Variants in EYS observed in about 807,000 individuals in gnomAD.
EYS encodes EGF-like photoreceptor maintenance factor, also known as protein eyes shut homolog.
A neutral mutation model predicts 282.1 loss-of-function variants in EYS; 250 were observed. That is an observed-to-expected ratio of 0.89 (90% confidence interval 0.80 to 0.98). The LOEUF is 0.98. Ranked by LOEUF, EYS falls within the 50% of genes least tolerant of loss-of-function variation. EYS has a pLI of 0.00. For missense variants in EYS, 4,016 were observed against 3,709.0 expected, an observed-to-expected ratio of 1.08 and a Z score of -2.15; for synonymous variants, 1,355 against 1,282.9, an observed-to-expected ratio of 1.06 and a Z score of -1.20.
chr6:64,749,514 G>A lies in EYS; in HGVS notation c.3443+63864C>T, dbSNP rs377490113. Among the ~76,000 whole-genome samples the A allele has an allele frequency of 5.8e-4, 89 of 152,282 alleles. No individual in the cohort carries two copies. The South Asian group carries it at 0.017, about 28-fold the overall frequency. ...TTTATCACATGTCAAATACTGCAAA[G>A]TATAGGTCACATACTTGGGTTCTTA... On this transcript the variant is annotated intron_variant, in intron 22 of 42. Transcript: ENST00000503581.
rs947235360 is a variant in EYS at position 64,902,238 on chromosome 6, T to G, written c.2739-18A>C. On this transcript the variant is annotated intron_variant, in intron 17 of 42. Transcript: ENST00000503581. ...AAATACACCTTTTAAACAAAAAATTTAGTAACTCCATTAGTATATATGTAT... is the reference window on the plus strand; with the variant it reads ...AAATACACCTTTTAAACAAAAAATTGAGTAACTCCATTAGTATATATGTAT... The G allele has an allele frequency of 2.0e-6, 3 of 1,500,688 alleles. No individual in the cohort carries two copies. In the African/African-American group the frequency reaches 4.2e-5, roughly 21 times the overall value. 93.0% of individuals were successfully genotyped at this position (1,500,688 alleles called of 1,614,324 possible).
At chr6:64,805,302 A>C (rs1583176307) in intron 22 of EYS, among the ~76,000 whole-genome samples, 2 of 152,098 alleles carry the variant, frequency 1.3e-5, no homozygotes, top group African/African-American at 4.8e-5. Flanking sequence ...TTGAGCAAAC[A>C]CTATTTGTGT....
At chr6:65,483,980 C>T (rs1227640220) in intron 5 of EYS, among the ~76,000 whole-genome samples, 1 of 151,980 alleles carries the variant, frequency 6.6e-6, no homozygotes, top group African/African-American at 2.4e-5. Flanking sequence ...TACTTCCTAC[C>T]GGCTCCCTCC....
At chr6:63,908,330 C>A (rs1481136789) in intron 35 of EYS, among the ~76,000 whole-genome samples, 1 of 151,834 alleles carries the variant, frequency 6.6e-6, no homozygotes, top group Admixed American at 6.6e-5. Flanking sequence ...GATGAGGATG[C>A]AGAGAAAAGG....
intron 35 of EYS, among the ~76,000 whole-genome samples, chr6:63,876,324 G>A (rs143271531): frequency 0.011 from 1,639 of 152,312 alleles, 24 homozygotes; most frequent in African/African-American, 0.038. Context: ...TGATTGCACT[G>A]TGGTCTGAGA....
At chr6:65,076,683 T>TAC (rs36094243) in intron 12 of EYS, among the ~76,000 whole-genome samples, 3,249 of 149,482 alleles carry the variant, frequency 0.022, 77 homozygotes, top group African/African-American at 0.053. Flanking sequence ...CATAAATATA[T>TAC]ACACACACAC....
chr6:64,664,289 T>C lies in EYS; in HGVS notation c.3444-38044A>G, dbSNP rs190538200. 2.6e-5 allele frequency among the ~76,000 whole-genome samples: 4 copies of C among 152,346 alleles called. No individual in the cohort carries two copies. In the East Asian group the frequency reaches 7.7e-4, roughly 29 times the overall value. On this transcript the variant is annotated intron_variant, in intron 22 of 42. Coordinates refer to ENST00000503581, the MANE Select transcript of EYS (RefSeq NM_001142800.2). Reference sequence around the variant, plus strand: ...CCCTGTGCTCTCAGATGATAGATGATGTGACTATTTCTTTACCTCCTGTTT... The same window carrying C: ...CCCTGTGCTCTCAGATGATAGATGACGTGACTATTTCTTTACCTCCTGTTT...
At chr6:65,470,814 C>A (rs114570126) in intron 5 of EYS, among the ~76,000 whole-genome samples, 2 of 152,102 alleles carry the variant, frequency 1.3e-5, no homozygotes, top group East Asian at 1.9e-4. Context: ...GTTACCTACA[C>A]GCCAAAGTCA....
chr6:65,529,706 A>C (rs866768322), intron 2 of EYS, among the ~76,000 whole-genome samples: 14 of 152,176 alleles, frequency 9.2e-5, no homozygotes, highest in Non-Finnish European at 1.9e-4. Flanking sequence ...CGAAGGTATT[A>C]AGTGTTGGGC....
intron 30 of EYS, among the ~76,000 whole-genome samples, chr6:64,301,358 AAACAG>A (rs1214785130): frequency 6.6e-6 from 1 of 152,184 alleles, no homozygotes; most frequent in Non-Finnish European, 1.5e-5. Flanking sequence ...AAAATCAAGG[AAACAG>A]AACAGACCAT....
intron 1 of EYS, among the ~76,000 whole-genome samples, chr6:65,700,198 T>C (rs1225469133): frequency 6.6e-6 from 1 of 151,646 alleles, no homozygotes; most frequent in African/African-American, 2.4e-5. Flanking sequence ...ATTTTGACTT[T>C]TGGAGAGATC....
At chr6:63,951,456 C>T (rs1765589686) in intron 35 of EYS, among the ~76,000 whole-genome samples, 1 of 152,050 alleles carries the variant, frequency 6.6e-6, no homozygotes, top group Admixed American at 6.6e-5. Flanking sequence ...AATCCTCCTC[C>T]TTTCCCTCCC....
At chr6:64,315,508 A>T (rs1769920798) in intron 29 of EYS, among the ~76,000 whole-genome samples, 1 of 151,718 alleles carries the variant, frequency 6.6e-6, no homozygotes, top group East Asian at 1.9e-4. Flanking sequence ...CGTCGATGAG[A>T]AAATCCTCAA....
intron 33 of EYS, among the ~76,000 whole-genome samples, chr6:64,010,169 G>T (rs1004806881): frequency 1.3e-5 from 2 of 152,222 alleles, no homozygotes; most frequent in African/African-American, 4.8e-5. Context: ...GAACGCTCCG[G>T]TGAAGGGGAG....
chr6:65,156,664 G>T (rs1283430271), intron 12 of EYS, among the ~76,000 whole-genome samples: 1 of 151,092 alleles, frequency 6.6e-6, no homozygotes. Context: ...CATGAGGATG[G>T]CATTCCACAT....
chr6:63,986,815 A>ATAAC (rs1243014628), intron 34 of EYS, among the ~76,000 whole-genome samples: 1 of 151,670 alleles, frequency 6.6e-6, no homozygotes, highest in Non-Finnish European at 1.5e-5. Context: ...AGCAGAAAAA[A>ATAAC]TAACTATTGG....
At chr6:64,174,646 AATGTAAAGAT>A (rs573306457) in intron 31 of EYS, among the ~76,000 whole-genome samples, 17 of 151,936 alleles carry the variant, frequency 1.1e-4, no homozygotes, top group African/African-American at 3.1e-4. Flanking sequence ...ATACAACATA[AATGTAAAGAT>A]ATTGAAGATA....
chr6:65,208,299 A>G (rs994602714), intron 12 of EYS, among the ~76,000 whole-genome samples: 1 of 151,910 alleles, frequency 6.6e-6, no homozygotes, highest in African/African-American at 2.4e-5. Context: ...TGCATAAACA[A>G]CAGATTTTGA....
chr6:63,736,757 T>C (rs1244320394), intron 41 of EYS, among the ~76,000 whole-genome samples: 1 of 152,028 alleles, frequency 6.6e-6, no homozygotes, highest in Admixed American at 6.6e-5. Flanking sequence ...TCCTCTTTTA[T>C]TTCATTGAGC....
Sources: gnomAD v4.1 joint callset for allele counts (sites outside exome capture counted in the v4.1 genomes callset) on GRCh38, gnomAD v4.1.1 for gene constraint, MANE v1.5 for transcripts, NCBI Gene and HGNC (gene_info 2026-07-23, HGNC 2026-07-21) for gene names.